FAM117A: variants seen among roughly 807,000 people sequenced by gnomAD.
FAM117A encodes protein FAM117A.
In FAM117A, 21 loss-of-function variants were observed where a neutral mutation model predicts 44.1. The observed-to-expected ratio is 0.48, with a 90% CI of 0.34 to 0.69. The LOEUF (loss-of-function observed/expected upper bound fraction) is 0.69. FAM117A is among the 30% of genes least tolerant of loss of function. The probability of loss-of-function intolerance (pLI) is 0.01; values close to 1 mark genes in which losing one functional copy is unlikely to be tolerated. For synonymous variants in FAM117A, 220 were observed against 238.3 expected (o/e 0.92, Z 0.71); for missense variants, 498 against 589.9 (o/e 0.84, Z 1.61).
chr17:49,743,788 T>C (rs984582646), intron 1 of FAM117A, among the ~76,000 whole-genome samples: 8 of 150,324 alleles, frequency 5.3e-5, no homozygotes, highest in Non-Finnish European at 1.0e-4. Context: ...TTAGCTAGCA[T>C]GGTGGCACGA....
At chr17:49,731,574 A>AT (rs1423221668) in intron 2 of FAM117A, among the ~76,000 whole-genome samples, 5 of 152,176 alleles carry the variant, frequency 3.3e-5, no homozygotes, top group Admixed American at 2.6e-4. Context: ...GAAGGAGAGG[A>AT]AGCTGGCTCC....
chr17:49,725,851 C>G (rs548534754), intron 2 of FAM117A, among the ~76,000 whole-genome samples: 136 of 152,150 alleles, frequency 8.9e-4, no homozygotes, highest in Non-Finnish European at 1.3e-3. Context: ...TTACAAACGT[C>G]CTTAAATAAG....
At chr17:49,727,334 G>A (rs1658045490) in intron 2 of FAM117A, among the ~76,000 whole-genome samples, 1 of 152,190 alleles carries the variant, frequency 6.6e-6, no homozygotes, top group Non-Finnish European at 1.5e-5. Flanking sequence ...CTTGAAGCTG[G>A]GAGGCGGAGG....
upstream of FAM117A, among the ~76,000 whole-genome samples, chr17:49,769,122 C>A (rs1380712643): frequency 1.3e-5 from 2 of 151,988 alleles, no homozygotes; most frequent in African/African-American, 4.8e-5. Flanking sequence ...ATGGTGAAAC[C>A]CCGTCTCTAC....
intron 1 of FAM117A, among the ~76,000 whole-genome samples, chr17:49,781,283 G>T (rs905709981): frequency 6.6e-6 from 1 of 152,172 alleles, no homozygotes; most frequent in African/African-American, 2.4e-5. Flanking sequence ...ATGAAAGACT[G>T]AAGTATATCC....
At chr17:49,732,766 A>T in intron 1 of FAM117A, 46 bp from the exon 2 acceptor site, 1 of 1,585,590 alleles carries the variant, frequency 6.3e-7, no homozygotes, top group South Asian at 1.1e-5. Flanking sequence ...GCATGGAGGA[A>T]GGAGACGTGG....
chr17:49,763,681 C>T (rs966309395), intron 1 of FAM117A, among the ~76,000 whole-genome samples: 6 of 152,026 alleles, frequency 3.9e-5, no homozygotes, highest in African/African-American at 1.5e-4. Flanking sequence ...CGGGACCCGA[C>T]TCCCCGCACA....
At chr17:49,788,806 T>A (rs2073841720), upstream of FAM117A, 2 of 1,576,194 alleles carry the variant, frequency 1.3e-6, no homozygotes, top group East Asian at 2.4e-5. Context: ...GCTGCCCGAA[T>A]CGGAACCGTC....
At chr17:49,713,382 A>G (rs771181726) in intron 7 of FAM117A, among the ~76,000 whole-genome samples, 3 of 152,238 alleles carry the variant, frequency 2.0e-5, no homozygotes, top group East Asian at 1.9e-4. Flanking sequence ...AGACAAAGGT[A>G]TGGGAAGACG....
chr17:49,716,308 A>G lies in FAM117A; in HGVS notation c.918T>C (p.Ser306=). The change falls in exon 7 of 8, where the codon TCT becomes TCC. Residue 306 remains serine, a synonymous_variant. Coordinates refer to ENST00000240364, the MANE Select transcript of FAM117A (RefSeq NM_030802.4). ...CTTCAAGAAAGGCTGGGTGTCCTGG[A>G]GAGGAGGCTGTGAACAGAGCAAGGC... ...LASTPNDKAS[S]PGHPAFLEDG... is the part of the protein sequence containing the mutation. 6.3e-7 allele frequency: 1 copy of G among 1,590,488 alleles called. No individual in the cohort carries two copies. Among genetic ancestry groups the G allele is most frequent in the Non-Finnish European group, 8.6e-7 (1 of 1,168,218 alleles).
chr17:49,727,638 TG>T (rs1264249104), intron 2 of FAM117A, among the ~76,000 whole-genome samples: 1 of 151,988 alleles, frequency 6.6e-6, no homozygotes, highest in Non-Finnish European at 1.5e-5. Flanking sequence ...GAAGGACAGC[TG>T]GGCATGGGGG....
chr17:49,717,790 T>A, intron 5 of FAM117A, 76 bp from the exon 6 acceptor site: 4 of 1,186,772 alleles, frequency 3.4e-6, no homozygotes, highest in Non-Finnish European at 4.7e-6. Context: ...CCCAAGGGTA[T>A]TTCCCTTGCT....
chr17:49,782,249 C>A (rs1314687185), intron 1 of FAM117A, among the ~76,000 whole-genome samples: 1 of 151,118 alleles, frequency 6.6e-6, no homozygotes, highest in African/African-American at 2.4e-5. Flanking sequence ...TGGTGGTGGG[C>A]GCCTGTAGTC....
At chr17:49,715,537 A>T (rs936579544) in intron 7 of FAM117A, among the ~76,000 whole-genome samples, 5 of 152,192 alleles carry the variant, frequency 3.3e-5, no homozygotes, top group African/African-American at 1.2e-4. Flanking sequence ...CTTTCGGCTA[A>T]TGGGAGGAAA....
chr17:49,736,735 T>G (rs1024392875), intron 1 of FAM117A, among the ~76,000 whole-genome samples: 1 of 152,236 alleles, frequency 6.6e-6, no homozygotes, highest in Non-Finnish European at 1.5e-5. Flanking sequence ...TCTGTTCATC[T>G]GTCAGGGCCA....
At chr17:49,774,817 G>A (rs1218977990) in intron 1 of FAM117A, among the ~76,000 whole-genome samples, 1 of 152,140 alleles carries the variant, frequency 6.6e-6, no homozygotes, top group Non-Finnish European at 1.5e-5. Flanking sequence ...AGTGGGAAAG[G>A]CTCCAGATTT....
chr17:49,715,269 G>A (rs1643717203), intron 7 of FAM117A, among the ~76,000 whole-genome samples: 1 of 152,142 alleles, frequency 6.6e-6, no homozygotes, highest in South Asian at 2.1e-4. Flanking sequence ...TCCTACTGTG[G>A]CTTCTGTATG....
At chr17:49,719,327 G>A (rs375207355) in intron 5 of FAM117A, among the ~76,000 whole-genome samples, 5 of 152,272 alleles carry the variant, frequency 3.3e-5, no homozygotes, top group African/African-American at 1.2e-4. Context: ...GAGTGGAGTC[G>A]GGGAGAAGGC....
chr17:49,785,015 A>G (rs1193915952), intron 1 of FAM117A, among the ~76,000 whole-genome samples: 1 of 152,242 alleles, frequency 6.6e-6, no homozygotes, highest in Non-Finnish European at 1.5e-5. Flanking sequence ...ATGTAAATAT[A>G]TAGTCACTAA....
Sources: allele counts gnomAD v4.1 joint callset (sites outside exome capture counted in the v4.1 genomes callset), GRCh38; gene constraint gnomAD v4.1.1; transcripts MANE v1.5; gene names NCBI Gene and HGNC (gene_info 2026-07-23, HGNC 2026-07-21).